SNTB1: variants seen among roughly 807,000 people sequenced by gnomAD.
SNTB1 encodes beta-1-syntrophin.
In SNTB1, 36 loss-of-function variants were observed where a neutral mutation model predicts 48.9. The observed-to-expected ratio is 0.74, with a 90% CI of 0.56 to 0.97. SNTB1 has a LOEUF of 0.97. Ranked by LOEUF, SNTB1 falls within the 50% of genes least tolerant of loss-of-function variation. SNTB1 has a pLI of 0.00. For missense variants in SNTB1, 786 were observed against 703.4 expected (o/e 1.12, Z -1.33); for synonymous variants, 299 against 294.6 (o/e 1.01, Z -0.15).
chr8:120,688,192 T>C (rs773547636), intron 2 of SNTB1, among the ~76,000 whole-genome samples: 5 of 152,222 alleles, frequency 3.3e-5, no homozygotes, highest in Non-Finnish European at 5.9e-5. Context: ...CTCTGTTACG[T>C]AGCAGTACAG....
intron 2 of SNTB1, among the ~76,000 whole-genome samples, chr8:120,661,847 G>A (rs968309861): frequency 1.4e-4 from 21 of 152,158 alleles, no homozygotes; most frequent in Admixed American, 3.9e-4. Flanking sequence ...TTATGGCTGC[G>A]AGTCCAGATT....
intron 4 of SNTB1, among the ~76,000 whole-genome samples, chr8:120,557,001 C>T (rs1815575972): frequency 6.6e-6 from 1 of 152,074 alleles, no homozygotes; most frequent in South Asian, 2.1e-4. Flanking sequence ...TTAAGTAACA[C>T]CAGGATTCCC....
At chr8:120,694,898 C>G (rs1490713843) in intron 1 of SNTB1, among the ~76,000 whole-genome samples, 1 of 151,900 alleles carries the variant, frequency 6.6e-6, no homozygotes, top group Non-Finnish European at 1.5e-5. Context: ...TTTTATAAAT[C>G]TTAAGAAAAC....
At chr8:120,720,424 T>C (rs2129946165) in intron 1 of SNTB1, among the ~76,000 whole-genome samples, 1 of 152,342 alleles carries the variant, frequency 6.6e-6, no homozygotes, top group East Asian at 1.9e-4. Context: ...ACTGAGTCTT[T>C]TCCGTATGCC....
At position 120,606,474 on chromosome 8, in the gene SNTB1, T is replaced by G. The variant is rs547103013; in HGVS notation, c.996+25970A>C. ...CAAATCATTACACAGCTTCTTAAAT[T>G]CTTCTCACTTGCTTTTTAGTAAAGA... is the stretch of plus-strand genomic sequence containing the variant. On this transcript the variant is annotated intron_variant, in intron 3 of 6. Coordinates refer to ENST00000517992, the MANE Select transcript of SNTB1 (RefSeq NM_021021.4). Among the ~76,000 whole-genome samples the G allele has an allele frequency of 8.0e-4, 122 of 151,824 alleles. 1 individual carries two copies. Among genetic ancestry groups the G allele is most frequent in the African/African-American group, 2.7e-3 (111 of 41,452 alleles).
intron 1 of SNTB1, among the ~76,000 whole-genome samples, chr8:120,727,700 A>G (rs1737413504): frequency 6.6e-6 from 1 of 152,228 alleles, no homozygotes; most frequent in Non-Finnish European, 1.5e-5. Flanking sequence ...AGAAGTTTTT[A>G]TCATTCCTGT....
intron 1 of SNTB1, among the ~76,000 whole-genome samples, chr8:120,742,700 C>G (rs1819060585): frequency 6.6e-6 from 1 of 152,156 alleles, no homozygotes. Context: ...ATGAATTTGC[C>G]TCTTACAGTA....
intron 1 of SNTB1, chr8:120,769,097 A>T (rs940952218): frequency 1.3e-5 from 2 of 152,222 alleles, no homozygotes; most frequent in African/African-American, 4.8e-5. Flanking sequence ...CAGACAAGGC[A>T]TCTGACGGTG....
intron 2 of SNTB1, among the ~76,000 whole-genome samples, chr8:120,689,333 C>G (rs1348500268): frequency 6.6e-6 from 1 of 152,188 alleles, no homozygotes; most frequent in African/African-American, 2.4e-5. Context: ...GCTTATAGTT[C>G]AGGCGAGCTG....
At chr8:120,580,723 A>G (rs1049511391) in intron 3 of SNTB1, among the ~76,000 whole-genome samples, 6 of 152,360 alleles carry the variant, frequency 3.9e-5, no homozygotes, top group African/African-American at 1.4e-4. Flanking sequence ...AATAATAATT[A>G]GCATTGATCA....
At chr8:120,659,957 G>A (rs1187628564) in intron 2 of SNTB1, among the ~76,000 whole-genome samples, 1 of 152,148 alleles carries the variant, frequency 6.6e-6, no homozygotes, top group African/African-American at 2.4e-5. Context: ...TTTTGAAAGG[G>A]ATCTTTTTTT....
At chr8:120,635,333 TTTC>T (rs1177365167) in intron 2 of SNTB1, among the ~76,000 whole-genome samples, 1 of 152,234 alleles carries the variant, frequency 6.6e-6, no homozygotes, top group Admixed American at 6.5e-5. Flanking sequence ...TCAACGTGTT[TTTC>T]TTCTATTTCT....
chr8:120,729,169 G>A (rs772783669), intron 1 of SNTB1, among the ~76,000 whole-genome samples: 20 of 152,048 alleles, frequency 1.3e-4, no homozygotes, highest in Non-Finnish European at 1.5e-4. Flanking sequence ...TTTCAGAGGC[G>A]TGGTTTCTAC....
chr8:120,639,627 A>C (rs1203924244), intron 2 of SNTB1, among the ~76,000 whole-genome samples: 1 of 152,188 alleles, frequency 6.6e-6, no homozygotes, highest in African/African-American at 2.4e-5. Context: ...ACCATTTATT[A>C]AATAGGGAAT....
chr8:120,592,759 G>A (rs938618783), intron 3 of SNTB1, among the ~76,000 whole-genome samples: 1 of 152,094 alleles, frequency 6.6e-6, no homozygotes, highest in Non-Finnish European at 1.5e-5. Context: ...TCATCATGAG[G>A]CATATATAAG....
At chr8:120,776,091 T>C (rs1198849178) in intron 1 of SNTB1, among the ~76,000 whole-genome samples, 1 of 152,208 alleles carries the variant, frequency 6.6e-6, no homozygotes, top group Admixed American at 6.5e-5. Flanking sequence ...TTACTGGGTA[T>C]ATACCCAAAG....
intron 2 of SNTB1, among the ~76,000 whole-genome samples, chr8:120,654,621 G>A (rs538217646): frequency 1.2e-4 from 19 of 152,072 alleles, no homozygotes; most frequent in African/African-American, 3.1e-4. Context: ...AAGATGAGCC[G>A]TTTCGATCCA....
intron 1 of SNTB1, among the ~76,000 whole-genome samples, chr8:120,710,462 TATTAA>T (rs1322236669): frequency 1.3e-5 from 2 of 152,202 alleles, no homozygotes; most frequent in Non-Finnish European, 2.9e-5. Flanking sequence ...ACAAATTTGC[TATTAA>T]ATTAGGTAAC....
chr8:120,746,339 C>T (rs1819124963), intron 1 of SNTB1, among the ~76,000 whole-genome samples: 1 of 151,618 alleles, frequency 6.6e-6, no homozygotes, highest in South Asian at 2.1e-4. Flanking sequence ...AAATACAGTA[C>T]ATAATATATA....
Sources: allele counts gnomAD v4.1 joint callset (sites outside exome capture counted in the v4.1 genomes callset), GRCh38; gene constraint gnomAD v4.1.1; transcripts MANE v1.5; gene names NCBI Gene and HGNC (gene_info 2026-07-23, HGNC 2026-07-21).